STARD3NL: variants seen among roughly 807,000 people sequenced by gnomAD.
STARD3NL encodes STARD3 N-terminal like.
STARD3NL carries 17 observed loss-of-function variants against 30.9 expected under a neutral mutation model. That is an observed-to-expected ratio of 0.55 (90% CI 0.38 to 0.82). STARD3NL has a LOEUF of 0.82. Among genes scored for constraint, STARD3NL ranks in the 40% least tolerant of loss-of-function variants. STARD3NL has a pLI of 0.00. For synonymous variants in STARD3NL, 112 were observed against 100.5 expected, an observed-to-expected ratio of 1.11 and a Z score of -0.69; for missense variants, 234 against 277.6, an observed-to-expected ratio of 0.84 and a Z score of 1.12.
chr7:38,209,802 T>C (rs1785695713), intron 2 of STARD3NL, among the ~76,000 whole-genome samples: 1 of 152,164 alleles, frequency 6.6e-6, no homozygotes, highest in South Asian at 2.1e-4. Context: ...GAAGTGGAAA[T>C]GAAGTAGGCT....
intron 7 of STARD3NL, among the ~76,000 whole-genome samples, chr7:38,224,620 C>T (rs1786653083): frequency 1.3e-5 from 2 of 152,210 alleles, no homozygotes; most frequent in Admixed American, 1.3e-4. Flanking sequence ...TCCAGCAGAT[C>T]CACACTGTAT....
At chr7:38,191,310 T>C (rs1562599215) in intron 1 of STARD3NL, among the ~76,000 whole-genome samples, 1 of 152,354 alleles carries the variant, frequency 6.6e-6, no homozygotes, top group East Asian at 1.9e-4. Flanking sequence ...TCATGGAATT[T>C]TTAAATTTGT....
intron 7 of STARD3NL, 146 bp downstream of exon 7, chr7:38,219,806 G>GT: frequency 1.6e-6 from 1 of 606,616 alleles, no homozygotes; most frequent in Non-Finnish European, 3.0e-6. Flanking sequence ...GGTGAGACAC[G>GT]GTCTCACATG....
chr7:38,214,407 C>T lies in STARD3NL; in HGVS notation c.276C>T (p.Asp92=). The change falls in exon 3 of 9, where the codon GAC becomes GAT. Residue 92 remains aspartate (D), a synonymous_variant. Coordinates refer to ENST00000009041, the MANE Select transcript of STARD3NL (RefSeq NM_032016.4). The part of the protein sequence containing the change: ...NTLEKEVMQY[D]YYSSYFDIFL... ...TAGAGAAGGAGGTGATGCAGTATGA[C>T]TACTATTCTTCATATTTTGATATAT... 6.2e-7 allele frequency: 1 copy of T among 1,603,562 alleles called. No individual in the cohort carries two copies. The highest frequency in any genetic ancestry group is 8.5e-7 in the Non-Finnish European group (1 of 1,172,002).
intron 7 of STARD3NL, among the ~76,000 whole-genome samples, chr7:38,224,904 A>G (rs1297304717): frequency 2.0e-5 from 3 of 152,214 alleles, no homozygotes. Flanking sequence ...TGTATGTATA[A>G]GAAAAAACAT....
intron 2 of STARD3NL, 118 bp from the exon 3 acceptor site, chr7:38,214,239 C>A (rs1785973165): frequency 1.6e-6 from 1 of 637,518 alleles, no homozygotes; most frequent in South Asian, 2.1e-5. Context: ...CTTTTCTTCG[C>A]ACTTTAGCAT....
intron 1 of STARD3NL, among the ~76,000 whole-genome samples, chr7:38,178,895 C>G (rs1182868308): frequency 1.3e-5 from 2 of 151,310 alleles, no homozygotes; most frequent in African/African-American, 4.9e-5. Context: ...AAGCACGAAT[C>G]ATGAATGTTC....
intron 1 of STARD3NL, among the ~76,000 whole-genome samples, chr7:38,200,161 G>A (rs1316964343): frequency 2.6e-5 from 4 of 152,186 alleles, no homozygotes; most frequent in African/African-American, 9.6e-5. Context: ...TCACTGTCAG[G>A]AGGAATTTGA....
At chr7:38,195,747 C>A (rs1784872781) in intron 1 of STARD3NL, among the ~76,000 whole-genome samples, 2 of 152,112 alleles carry the variant, frequency 1.3e-5, no homozygotes, top group Non-Finnish European at 2.9e-5. Flanking sequence ...ACTTGCATAC[C>A]ATGTACAGAA....
intron 2 of STARD3NL, among the ~76,000 whole-genome samples, chr7:38,211,709 T>C (rs1206449127): frequency 6.6e-6 from 1 of 152,170 alleles, no homozygotes; most frequent in Non-Finnish European, 1.5e-5. Context: ...CATCACAGCC[T>C]CCTTGACCTG....
chr7:38,200,627 G>A (rs1785132435), intron 1 of STARD3NL, among the ~76,000 whole-genome samples: 1 of 152,130 alleles, frequency 6.6e-6, no homozygotes, highest in African/African-American at 2.4e-5. Flanking sequence ...GCATAAATTA[G>A]CTGATATTTC....
chr7:38,181,461 A>G (rs1007328493), intron 1 of STARD3NL, among the ~76,000 whole-genome samples: 2 of 152,210 alleles, frequency 1.3e-5, no homozygotes, highest in African/African-American at 4.8e-5. Context: ...TAAAATTTAA[A>G]AATGCCCATT....
At chr7:38,214,106 C>T (rs1785964195) in intron 2 of STARD3NL, among the ~76,000 whole-genome samples, 2 of 152,052 alleles carry the variant, frequency 1.3e-5, no homozygotes, top group Admixed American at 1.3e-4. Flanking sequence ...TTTAATTTTC[C>T]CAACTATGAA....
At chr7:38,193,422 C>A (rs912292155) in intron 1 of STARD3NL, among the ~76,000 whole-genome samples, 30 of 152,202 alleles carry the variant, frequency 2.0e-4, no homozygotes, top group Middle Eastern at 3.4e-3. Context: ...CCTCAGACTC[C>A]CGAGTAGCAG....
chr7:38,216,317 T>TA (rs1310526891), intron 4 of STARD3NL: 1 of 152,210 alleles, frequency 6.6e-6, no homozygotes, highest in Non-Finnish European at 1.5e-5. Flanking sequence ...ATTCTTGTTT[T>TA]AAAAAACATT....
Position 38,215,066 on chromosome 7 carries a change from A to G in STARD3NL, c.342A>G (p.Ala114=), listed in dbSNP as rs776030674. The change falls in exon 4 of 9, where the codon GCA becomes GCG. Residue 114 remains alanine (A), a synonymous_variant. Transcript: ENST00000009041. ...AVFRFKVLIL[A]YAVCRLRHWW... The stretch of plus-strand genomic sequence containing the variant: ...TTCGATTTAAAGTGTTAATACTTGC[A>G]TATGCTGTGTGCAGACTGCGCCATT... 9 of 1,614,030 alleles carry G rather than the reference A, an allele frequency of 5.6e-6. No individual in the cohort carries two copies. In the Admixed American group the frequency reaches 1.5e-4, roughly 27 times the overall value.
chr7:38,212,802 G>T (rs575265856), intron 2 of STARD3NL, among the ~76,000 whole-genome samples: 1 of 152,276 alleles, frequency 6.6e-6, no homozygotes, highest in African/African-American at 2.4e-5. Context: ...AGTATGCAAA[G>T]ATGACTCTAA....
At chr7:38,209,537 C>T (rs1296601747) in intron 2 of STARD3NL, among the ~76,000 whole-genome samples, 1 of 152,122 alleles carries the variant, frequency 6.6e-6, no homozygotes, top group African/African-American at 2.4e-5. Context: ...GCCTGCCTTG[C>T]CCTCCCAAAG....
chr7:38,226,589 T>A (rs1216695383), intron 7 of STARD3NL, among the ~76,000 whole-genome samples: 2 of 152,224 alleles, frequency 1.3e-5, no homozygotes, highest in African/African-American at 4.8e-5. Flanking sequence ...CTAAGTCCTT[T>A]CCTGCTCTCT....
Sources: allele counts gnomAD v4.1 joint callset (sites outside exome capture counted in the v4.1 genomes callset), GRCh38; gene constraint gnomAD v4.1.1; transcripts MANE v1.5; gene names NCBI Gene and HGNC (gene_info 2026-07-23, HGNC 2026-07-21).